Variants in FBP1 observed in about 807,000 individuals in gnomAD.
The protein encoded by FBP1 is fructose-bisphosphatase 1.
In FBP1, 22 loss-of-function variants were observed where a neutral mutation model predicts 29.9. That is an observed-to-expected ratio of 0.74 (90% confidence interval 0.53 to 1.05). FBP1 has a LOEUF of 1.05. Among genes scored for constraint, FBP1 ranks in the 50% least tolerant of loss-of-function variants. The probability of loss-of-function intolerance (pLI) is 0.00; values close to 1 mark genes in which losing one functional copy is unlikely to be tolerated. For synonymous variants in FBP1, 175 were observed against 178.6 expected, an observed-to-expected ratio of 0.98 and a Z score of 0.16; for missense variants, 345 against 448.2, an observed-to-expected ratio of 0.77 and a Z score of 2.08.
intron 4 of FBP1, among the ~76,000 whole-genome samples, chr9:94,609,062 C>A (rs766045214): frequency 6.6e-6 from 1 of 151,924 alleles, no homozygotes; most frequent in Non-Finnish European, 1.5e-5. Context: ...TGGTGGCAGG[C>A]GCCTGTAGTC....
At chr9:94,606,336 C>G (rs1342214501) in intron 5 of FBP1, among the ~76,000 whole-genome samples, 1 of 152,154 alleles carries the variant, frequency 6.6e-6, no homozygotes, top group Non-Finnish European at 1.5e-5. Flanking sequence ...ATAGATGCAC[C>G]TCAGGCAGGC....
chr9:94,623,671 G>T (rs1827980255), intron 1 of FBP1, among the ~76,000 whole-genome samples: 1 of 152,146 alleles, frequency 6.6e-6, no homozygotes, highest in Non-Finnish European at 1.5e-5. Flanking sequence ...GAACACTCAG[G>T]CCATGTGGTC....
intron 3 of FBP1, among the ~76,000 whole-genome samples, chr9:94,611,802 T>C (rs1827790245): frequency 1.3e-5 from 2 of 152,190 alleles, no homozygotes; most frequent in South Asian, 4.1e-4. Context: ...CTAGACACAC[T>C]GTCAGACTTT....
intron 5 of FBP1, among the ~76,000 whole-genome samples, chr9:94,605,789 A>C (rs977686473): frequency 1.3e-5 from 2 of 152,180 alleles, no homozygotes; most frequent in African/African-American, 2.4e-5. Flanking sequence ...ACAATAGGTC[A>C]GATTGCCCAC....
chr9:94,615,959 C>CT (rs1415671098), intron 3 of FBP1, among the ~76,000 whole-genome samples: 4 of 151,950 alleles, frequency 2.6e-5, no homozygotes, highest in Admixed American at 6.6e-5. Flanking sequence ...TCCTGAGTAC[C>CT]TGGGACTACA....
chr9:94,622,404 G>A (rs550895069), intron 1 of FBP1, among the ~76,000 whole-genome samples: 9 of 152,358 alleles, frequency 5.9e-5, no homozygotes, highest in South Asian at 4.1e-4. Flanking sequence ...GGCGATGTGC[G>A]CTCGCCTGGG....
At chr9:94,608,846 T>C (rs1047596969) in intron 4 of FBP1, among the ~76,000 whole-genome samples, 4 of 151,972 alleles carry the variant, frequency 2.6e-5, no homozygotes, top group Non-Finnish European at 4.4e-5. Context: ...TGGGGTTCAG[T>C]TTGCCAGCAA....
chr9:94,640,054 G>C (rs972070798), upstream of FBP1: 2 of 152,874 alleles, frequency 1.3e-5, no homozygotes, highest in Non-Finnish European at 1.5e-5. Context: ...CCATCTGAGG[G>C]CCCACGTCTG....
In FBP1 at chr9:94,634,293, C is replaced by CAA. The variant is rs1480502775; in HGVS notation, c.170+4846_170+4847dup. On this transcript the variant is annotated intron_variant, in intron 1 of 6. Coordinates refer to ENST00000375326, the MANE Select transcript of FBP1 (RefSeq NM_000507.4). ...AGGGCAACAGAGCGAGACTCTGCCT[C>CAA]AAAAAAAAAAAAAAGAAAGAAAAAG... 8.0e-3 allele frequency among the ~76,000 whole-genome samples: 715 copies of CAA among 89,864 alleles called. 11 individuals are homozygous for CAA. Among genetic ancestry groups the CAA allele is most frequent in the African/African-American group, 0.029 (686 of 24,030 alleles). 59.0% of individuals were successfully genotyped at this position (89,864 alleles called of 152,430 possible). A position where few individuals can be genotyped will look rare whatever the true frequency, so the allele number is the denominator to read the frequency against.
chr9:94,603,524 C>T lies in FBP1; in HGVS notation c.874G>A (p.Ala292Thr). The T allele has an allele frequency of 2.5e-6, 4 of 1,614,188 alleles. No homozygotes were observed. The highest frequency in any genetic ancestry group is 3.4e-6 in the Non-Finnish European group (4 of 1,180,030). Residue 292 changes from alanine to threonine, a missense_variant, in exon 7 of 7, where the codon GCT becomes ACT. Physicochemically the swap from Ala to Thr is moderately conservative, Grantham distance 58. Transcript: ENST00000375326. ...TTCCCAGTGGTGGCCATTCCCCCAG[C>T]CTTCTCCATGACGTAGGCCATGGGG... Reference protein sequence around the residue: ...CNPMAYVMEKAGGMATTGKEA... With the variant: ...CNPMAYVMEKTGGMATTGKEA...
Position 94,639,349 on chromosome 9 carries a change from G to GGCAGGTGCGGGGCT in FBP1, c.-53_-40dup, listed in dbSNP as rs752128198. The GGCAGGTGCGGGGCT allele has an allele frequency of 6.6e-5, 105 of 1,582,784 alleles. No individual in the cohort carries two copies. The highest frequency in any genetic ancestry group is 8.3e-5 in the Non-Finnish European group (97 of 1,164,550). On this transcript the variant is annotated 5_prime_UTR_variant, in exon 1 of 7. Coordinates refer to ENST00000375326, the MANE Select transcript of FBP1 (RefSeq NM_000507.4). ...AGAGCGCGGGGCTGCAGGTGCAAGC[G>GGCAGGTGCGGGGCT]GCAGGTGCGGGGCTGCAGGTGCGGG...
rs1456453734 is a variant in FBP1, at chr9:94,606,884, A to T, written c.636T>A (p.Leu212=). The T allele has an allele frequency of 1.2e-6, 2 of 1,614,006 alleles. No homozygotes were observed. The highest frequency in any genetic ancestry group is 1.7e-5 in the Admixed American group (1 of 60,016). ...CAAAGTCCCTGGCGTAGCCCTCGTT[A>T]AGGCTGTAGATTTTACCTTTCTTTT... is the stretch of plus-strand genomic sequence containing the variant. The part of the protein sequence containing the change: ...KIKKKGKIYS[L]NEGYARDFDP... The change falls in exon 5 of 7, where the codon CTT becomes CTA. Residue 212 remains leucine (L), a synonymous_variant. Coordinates refer to ENST00000375326, the MANE Select transcript of FBP1 (RefSeq NM_000507.4).
At chr9:94,620,236 A>T (rs1827926558) in intron 2 of FBP1, 93 bp downstream of exon 2, 2 of 1,372,618 alleles carry the variant, frequency 1.5e-6, no homozygotes. Context: ...GGACTCCCAG[A>T]AACCCAGCTC....
upstream of FBP1, among the ~76,000 whole-genome samples, chr9:94,639,861 G>T (rs753214676): frequency 6.6e-6 from 1 of 152,120 alleles, no homozygotes; most frequent in Non-Finnish European, 1.5e-5. Context: ...TAAGTAACTT[G>T]CTCAATGCCA....
chr9:94,615,640 A>G (rs1827851233), intron 3 of FBP1, among the ~76,000 whole-genome samples: 1 of 152,282 alleles, frequency 6.6e-6, no homozygotes, highest in Admixed American at 6.5e-5. Flanking sequence ...GAGAATTTGA[A>G]TCTTCTATTC....
At chr9:94,604,947 G>C (rs1018180113) in intron 6 of FBP1, among the ~76,000 whole-genome samples, 1 of 152,154 alleles carries the variant, frequency 6.6e-6, no homozygotes, top group African/African-American at 2.4e-5. Context: ...CTAGTGAGTC[G>C]GTGGTGACGG....
intron 1 of FBP1, among the ~76,000 whole-genome samples, chr9:94,623,951 G>A (rs1283037740): frequency 6.6e-6 from 1 of 152,234 alleles, no homozygotes; most frequent in Non-Finnish European, 1.5e-5. Flanking sequence ...AGGAGAGGGA[G>A]ATGAGAGGCT....
intron 3 of FBP1, among the ~76,000 whole-genome samples, chr9:94,615,830 C>CT (rs5741695): frequency 0.057 from 8,046 of 140,462 alleles, 781 homozygotes; most frequent in African/African-American, 0.2. Flanking sequence ...GGTCTCAGTT[C>CT]TTTTTTTTTT....
At position 94,609,913 on chromosome 9, in the gene FBP1, T is replaced by C. The variant is rs1365489753; in HGVS notation, c.567+8A>G. On this transcript the variant is annotated splice_region_variant and intron_variant, in intron 4 of 6. Transcript: ENST00000375326. Reference sequence around the variant, plus strand: ...GCCAAGCCCCCAGCCTCCTGTGAGGTCTCTCACCGGGTCCAGCATGAAGCA... The same window carrying C: ...GCCAAGCCCCCAGCCTCCTGTGAGGCCTCTCACCGGGTCCAGCATGAAGCA... 1 of 1,613,800 alleles carries C rather than the reference T, an allele frequency of 6.2e-7. No homozygotes were observed. The highest frequency in any genetic ancestry group is 1.1e-5 in the South Asian group (1 of 91,058).
Sources: gnomAD v4.1 joint callset for allele counts (sites outside exome capture counted in the v4.1 genomes callset) on GRCh38, gnomAD v4.1.1 for gene constraint, MANE v1.5 for transcripts, NCBI Gene and HGNC (gene_info 2026-07-23, HGNC 2026-07-21) for gene names.